Variants in MTCL3 observed in about 807,000 individuals in gnomAD.
MTCL3 encodes the protein microtubule cross-linking factor 3.
chr6:127,517,003 G>T, the MTCL3 span, among the ~76,000 whole-genome samples: 1 of 152,080 alleles, frequency 6.6e-6, no homozygotes. Context: ...TGATGGAAAG[G>T]GAGATATAAA....
At chr6:127,483,151 T>A in the MTCL3 span, among the ~76,000 whole-genome samples, 1 of 152,214 alleles carries the variant, frequency 6.6e-6, no homozygotes, top group African/African-American at 2.4e-5. Context: ...GATTTAGATA[T>A]ATTTTTACTT....
At chr6:127,481,443 A>C in the MTCL3 span, 2 of 985,430 alleles carry the variant, frequency 2.0e-6, no homozygotes, top group Non-Finnish European at 2.4e-6. Context: ...GGATTCTAAA[A>C]ATGCTGAGGT....
the MTCL3 span, among the ~76,000 whole-genome samples, chr6:127,504,136 G>A: frequency 6.6e-6 from 1 of 152,110 alleles, no homozygotes; most frequent in Non-Finnish European, 1.5e-5. Context: ...ACAGAAGAAG[G>A]TGGTCTCATT....
chr6:127,486,363 AAGTT>A, the MTCL3 span, among the ~76,000 whole-genome samples: 1 of 152,168 alleles, frequency 6.6e-6, no homozygotes, highest in Non-Finnish European at 1.5e-5. Flanking sequence ...ATATTCCAGT[AAGTT>A]TATGTTAACT....
At chr6:127,484,588 A>T in the MTCL3 span, among the ~76,000 whole-genome samples, 1 of 152,136 alleles carries the variant, frequency 6.6e-6, no homozygotes, top group African/African-American at 2.4e-5. Flanking sequence ...ATTTGAATTC[A>T]CTCAATTATG....
chr6:127,492,682 G>A, the MTCL3 span, among the ~76,000 whole-genome samples: 546 of 151,974 alleles, frequency 3.6e-3, 12 homozygotes, highest in Admixed American at 0.025. Context: ...CACCACACCC[G>A]GCTAATTTTT....
At chr6:127,515,984 C>T in the MTCL3 span, 1 of 1,592,924 alleles carries the variant, frequency 6.3e-7, no homozygotes, top group Non-Finnish European at 8.5e-7. This position sits in a 1 kb window ranked among gnomAD's most constrained non-coding sequence, Gnocchi z 4.3. Flanking sequence ...GCCCCCTCCC[C>T]GCCGCTGCCG....
the MTCL3 span, chr6:127,516,735 A>G: frequency 4.1e-6 from 6 of 1,458,416 alleles, no homozygotes; most frequent in African/African-American, 1.4e-5. Flanking sequence ...GAAGAAGACA[A>G]CATGTCTGAA....
At chr6:127,474,325 T>C in the MTCL3 span, among the ~76,000 whole-genome samples, 1 of 152,134 alleles carries the variant, frequency 6.6e-6, no homozygotes, top group East Asian at 1.9e-4. Context: ...TCGCCTAGGC[T>C]GGAGGGCAGT....
At chr6:127,487,480 A>T in the MTCL3 span, among the ~76,000 whole-genome samples, 1 of 152,152 alleles carries the variant, frequency 6.6e-6, no homozygotes, top group Non-Finnish European at 1.5e-5. Context: ...TGCTGGAAGG[A>T]AACTGAAAAA....
the MTCL3 span, among the ~76,000 whole-genome samples, chr6:127,497,548 T>C: frequency 6.6e-6 from 1 of 152,224 alleles, no homozygotes; most frequent in East Asian, 1.9e-4. Flanking sequence ...TGTACCTGAG[T>C]GCTGCAGTAG....
At chr6:127,515,777 C>G in the MTCL3 span, 5 of 1,606,638 alleles carry the variant, frequency 3.1e-6, no homozygotes, top group Non-Finnish European at 3.4e-6. This position sits in a 1 kb window ranked among gnomAD's most constrained non-coding sequence, Gnocchi z 4.3. Flanking sequence ...CCGTTCTTAG[C>G]GTGCATCTGA....
the MTCL3 span, among the ~76,000 whole-genome samples, chr6:127,480,955 GCTACAGTATA>G: frequency 6.6e-6 from 1 of 152,114 alleles, no homozygotes; most frequent in East Asian, 1.9e-4. Context: ...AACTTCAAAT[GCTACAGTATA>G]CTTATAAAAA....
chr6:127,476,616 C>A, the MTCL3 span: 1 of 626,498 alleles, frequency 1.6e-6, no homozygotes, highest in Admixed American at 3.4e-5. This position sits in a 1 kb window ranked among gnomAD's most constrained non-coding sequence, Gnocchi z 4.4. Flanking sequence ...TGTGTATTTT[C>A]TTCAGATCAC....
the MTCL3 span, among the ~76,000 whole-genome samples, chr6:127,497,198 A>G: frequency 1.3e-5 from 2 of 152,332 alleles, no homozygotes; most frequent in East Asian, 3.9e-4. Context: ...GATTCAACAA[A>G]GTTATTTAAA....
the MTCL3 span, chr6:127,516,662 A>T: frequency 6.4e-7 from 1 of 1,556,420 alleles, no homozygotes; most frequent in Non-Finnish European, 8.7e-7. Context: ...TTACTAGATC[A>T]TCCTCTTCCC....
chr6:127,510,225 T>C, the MTCL3 span, among the ~76,000 whole-genome samples: 18 of 152,342 alleles, frequency 1.2e-4, no homozygotes, highest in African/African-American at 4.1e-4. Context: ...GGCATTGACA[T>C]TTGGTTTTTT....
chr6:127,512,959 T>C, the MTCL3 span: 3 of 1,612,252 alleles, frequency 1.9e-6, no homozygotes, highest in Non-Finnish European at 2.5e-6. Flanking sequence ...AGCTGTTGCC[T>C]CAGTTTCTCA....
the MTCL3 span, among the ~76,000 whole-genome samples, chr6:127,473,835 C>T: frequency 5.9e-5 from 9 of 152,198 alleles, no homozygotes; most frequent in Non-Finnish European, 1.2e-4. Flanking sequence ...GGACACCAGG[C>T]TTGCCAGAGG....
Sources: gnomAD v4.1 joint callset for allele counts (sites outside exome capture counted in the v4.1 genomes callset) on GRCh38, gnomAD v4.1.1 for gene constraint, Gnocchi (gnomAD v3.1) non-coding constraint, MANE v1.5 for transcripts, NCBI Gene and HGNC (gene_info 2026-07-23, HGNC 2026-07-21) for gene names.